PRDM15: variants seen among roughly 807,000 people sequenced by gnomAD.
PRDM15 encodes PR domain zinc finger protein 15.
In PRDM15, 64 loss-of-function variants were observed where a neutral mutation model predicts 128.6. The observed-to-expected ratio is 0.50, with a 90% CI of 0.41 to 0.61. The LOEUF (loss-of-function observed/expected upper bound fraction) is 0.61. Ranked by LOEUF, PRDM15 falls within the 20% of genes least tolerant of loss-of-function variation. The pLI is 0.00. For synonymous variants in PRDM15, 615 were observed against 621.8 expected, an observed-to-expected ratio of 0.99 and a Z score of 0.16; for missense variants, 1,242 against 1,569.1, an observed-to-expected ratio of 0.79 and a Z score of 3.52.
intron 1 of PRDM15, chr21:41,861,507 G>A (rs2145921307): frequency 6.9e-7 from 1 of 1,439,418 alleles, no homozygotes; most frequent in East Asian, 2.3e-5. Flanking sequence ...CACACAGTAT[G>A]TGCCACCAAA....
Position 41,821,805 on chromosome 21 carries a change from G to A in PRDM15, c.1896+98C>T, listed in dbSNP as rs1012926646. On this transcript the variant is annotated intron_variant, in intron 15 of 23. Transcript: ENST00000398548. The surrounding 1 kb of genome is among the most constrained non-coding windows in gnomAD (Gnocchi z 5.4). ...CCTTTGGGGAGGGAGGGCTGCTTCC[G>A]AGATGCATGAAGGTGCCTGCTGTGT... 2.7e-5 allele frequency: 39 copies of A among 1,462,068 alleles called. No individual in the cohort carries two copies. The East Asian group carries it at 4.3e-4, about 16-fold the overall frequency. The allele number at this position is 1,462,068 out of a possible 1,614,324, so 90.6% of individuals were successfully genotyped here.
Position 41,823,340 on chromosome 21 carries a change from T to TTC in PRDM15, c.1738_1739insGA (p.Asp580GlyfsTer13). ...CACCTTGAAGTGGACATGGATGTGG[T>TTC]CCCTGAGCACATCCACGCGGAAGAA... On this transcript the variant is annotated frameshift_variant, in exon 14 of 24. Coordinates refer to ENST00000398548, the MANE Select transcript of PRDM15 (RefSeq NM_001040424.3). LOFTEE classifies it high-confidence loss of function. 1.2e-6 allele frequency: 2 copies of TTC among 1,607,604 alleles called. No individual in the cohort carries two copies. The highest frequency in any genetic ancestry group is 2.2e-5 in the South Asian group (2 of 89,516).
rs1329007996 is a variant in PRDM15, at chr21:41,832,122, G to A, written c.1366+3315C>T. Reference sequence around the variant, plus strand: ...TTTTCATGATCACTTTAATGGCTACGTGATATTCCATCCAGCTCACTTCTC... The same window carrying A: ...TTTTCATGATCACTTTAATGGCTACATGATATTCCATCCAGCTCACTTCTC... On this transcript the variant is annotated intron_variant, in intron 11 of 23. Transcript: ENST00000398548. The surrounding 1 kb of genome is among the most constrained non-coding windows in gnomAD (Gnocchi z 4.2). Among the ~76,000 whole-genome samples, 1 of 152,224 alleles carries A rather than the reference G, an allele frequency of 6.6e-6. No homozygotes were observed. Among genetic ancestry groups the A allele is most frequent in the Non-Finnish European group, 1.5e-5 (1 of 68,038 alleles).
chr21:41,820,853 CAGG>C (rs748594093), intron 16 of PRDM15, among the ~76,000 whole-genome samples: 45 of 152,348 alleles, frequency 3.0e-4, no homozygotes, highest in Non-Finnish European at 5.3e-4. Context: ...CAGCTGGTGC[CAGG>C]AGACTATGCG....
rs1039446836 is a variant in PRDM15 at position 41,819,594 on chromosome 21, C to T, written c.2248G>A (p.Glu750Lys). Residue 750 changes from glutamate (E) to lysine (K), a missense_variant, in exon 18 of 24, where the codon GAG becomes AAG. Transcript: ENST00000398548. ...CACCCGTACCCACCTTTCCCACACTCGGCACACAGGTACTCGCGGACATTG... is the reference window on the plus strand; with the variant it reads ...CACCCGTACCCACCTTTCCCACACTTGGCACACAGGTACTCGCGGACATTG... ...HDNVREYLCA[E>K]CGKGMKTKHA... 5 of 1,612,434 alleles carry T rather than the reference C, an allele frequency of 3.1e-6. No homozygotes were observed. The highest frequency in any genetic ancestry group is 1.7e-6 in the Non-Finnish European group (2 of 1,179,660).
chr21:41,858,245 A>G (rs2063698451), intron 3 of PRDM15, among the ~76,000 whole-genome samples: 1 of 152,252 alleles, frequency 6.6e-6, no homozygotes, highest in Non-Finnish European at 1.5e-5. Context: ...AAGGCATAGG[A>G]GCCGGGACGA....
At chr21:41,830,738 C>T (rs1304288294) in intron 11 of PRDM15, among the ~76,000 whole-genome samples, 1 of 152,208 alleles carries the variant, frequency 6.6e-6, no homozygotes, top group Admixed American at 6.5e-5. Context: ...CACACACAGT[C>T]CATGAAGCTT....
intron 14 of PRDM15, chr21:41,823,096 G>A (rs1274612108): frequency 3.6e-6 from 2 of 561,866 alleles, no homozygotes; most frequent in Non-Finnish European, 6.6e-6. Flanking sequence ...CTTCTACCAT[G>A]TGAGGACACA....
chr21:41,807,692 T>G (rs1410994976), intron 21 of PRDM15, among the ~76,000 whole-genome samples: 1 of 152,148 alleles, frequency 6.6e-6, no homozygotes, highest in African/African-American at 2.4e-5. Context: ...ATCACATCAC[T>G]GGTAGGCATT....
At chr21:41,820,424 A>G (rs1013814832) in intron 16 of PRDM15, among the ~76,000 whole-genome samples, 3 of 152,218 alleles carry the variant, frequency 2.0e-5, no homozygotes, top group Admixed American at 2.0e-4. Context: ...AGGTGATTAC[A>G]TGGAAAAGAG....
At chr21:41,845,672 C>T (rs2063242129) in intron 6 of PRDM15, among the ~76,000 whole-genome samples, 1 of 152,158 alleles carries the variant, frequency 6.6e-6, no homozygotes, top group African/African-American at 2.4e-5. Flanking sequence ...GGACCTGGCA[C>T]TGAAGGGTCT....
chr21:41,803,286 GCT>G (rs980529804), intron 22 of PRDM15, among the ~76,000 whole-genome samples: 7 of 152,176 alleles, frequency 4.6e-5, no homozygotes, highest in Non-Finnish European at 7.3e-5. Context: ...TCAAATCAGG[GCT>G]CTCTCTTCCC....
Position 41,798,388 on chromosome 21 carries a change from G to T in PRDM15, c.*2852C>A, listed in dbSNP as rs1226598688. The T allele has an allele frequency of 6.6e-6, 1 of 152,258 alleles. No individual in the cohort carries two copies. The highest frequency in any genetic ancestry group is 1.5e-5 in the Non-Finnish European group (1 of 68,086). 9.4% of individuals were successfully genotyped at this position (152,258 alleles called of 1,614,324 possible). On this transcript the variant is annotated 3_prime_UTR_variant, in exon 24 of 24. Coordinates refer to ENST00000398548, the MANE Select transcript of PRDM15 (RefSeq NM_001040424.3). ...AGCCATGAGCCTTCCGCCTTTGGATGCCACAAATGGGAACGATAGAGGTAC... is the reference window on the plus strand; with the variant it reads ...AGCCATGAGCCTTCCGCCTTTGGATTCCACAAATGGGAACGATAGAGGTAC...
At chr21:41,847,274 TG>T (rs2063296458) in intron 5 of PRDM15, 83 bp from the exon 6 acceptor site, 1 of 982,458 alleles carries the variant, frequency 1.0e-6, no homozygotes, top group Admixed American at 2.4e-5. Context: ...GGAGGAGGGG[TG>T]TGTGCTGAGA....
intron 19 of PRDM15, chr21:41,814,567 C>T (rs111579023): frequency 1.5e-5 from 1 of 66,500 alleles, no homozygotes; most frequent in South Asian, 8.1e-4. Flanking sequence ...GATTGCGCAG[C>T]GTGCTCTAGT....
chr21:41,820,885 C>T lies in PRDM15; in HGVS notation c.2060+182G>A, dbSNP rs369753487. 7.0e-4 allele frequency among the ~76,000 whole-genome samples: 107 copies of T among 152,330 alleles called. No homozygotes were observed. In the South Asian group the frequency reaches 0.016, roughly 23 times the overall value. On this transcript the variant is annotated intron_variant, in intron 16 of 23. Coordinates refer to ENST00000398548, the MANE Select transcript of PRDM15 (RefSeq NM_001040424.3). ...CTATGCGGAAGCACAGGATAAACCCCAGCCCTGCTGCCCCTAGCCCAGCTG... is the reference window on the plus strand; with the variant it reads ...CTATGCGGAAGCACAGGATAAACCCTAGCCCTGCTGCCCCTAGCCCAGCTG...
chr21:41,839,097 C>A (rs1447014556), intron 7 of PRDM15, among the ~76,000 whole-genome samples: 1 of 152,218 alleles, frequency 6.6e-6, no homozygotes. Context: ...TCAAACCCAA[C>A]TGAGGATACT....
intron 14 of PRDM15, chr21:41,823,083 A>C: frequency 1.8e-6 from 1 of 543,880 alleles, no homozygotes; most frequent in South Asian, 1.9e-5. Flanking sequence ...AGAGATCCCT[A>C]CCCTTCTACC....
At chr21:41,858,349 C>A (rs959709360) in intron 3 of PRDM15, among the ~76,000 whole-genome samples, 6 of 152,106 alleles carry the variant, frequency 3.9e-5, no homozygotes, top group African/African-American at 7.2e-5. Flanking sequence ...GAGCACAGGC[C>A]CCTCCGACAG....
Sources: allele counts gnomAD v4.1 joint callset (sites outside exome capture counted in the v4.1 genomes callset), GRCh38; gene constraint gnomAD v4.1.1; non-coding constraint Gnocchi (gnomAD v3.1); transcripts MANE v1.5; gene names NCBI Gene and HGNC (gene_info 2026-07-23, HGNC 2026-07-21).